NUDT4: variants seen among roughly 807,000 people sequenced by gnomAD.
The protein encoded by NUDT4 is diphosphoinositol polyphosphate phosphohydrolase 2.
In NUDT4, 5 loss-of-function variants were observed where a neutral mutation model predicts 23.1. The observed-to-expected ratio is 0.22, with a 90% CI of 0.11 to 0.46. NUDT4 has a LOEUF of 0.46. Among genes scored for constraint, NUDT4 ranks in the 20% least tolerant of loss-of-function variants. The pLI, the probability that NUDT4 is intolerant of heterozygous loss-of-function variation, is 0.99. For missense variants in NUDT4, 96 were observed against 211.6 expected (o/e 0.45, Z 3.39); for synonymous variants, 50 against 79.0 (o/e 0.63, Z 1.95).
At chr12:93,386,967 T>G (rs974686912) in intron 1 of NUDT4, among the ~76,000 whole-genome samples, 1 of 152,170 alleles carries the variant, frequency 6.6e-6, no homozygotes, top group East Asian at 1.9e-4. Context: ...ACAGTCTCAC[T>G]GTGTTGCCCA....
At chr12:93,394,152 G>A (rs896645022) in intron 1 of NUDT4, among the ~76,000 whole-genome samples, 1 of 151,808 alleles carries the variant, frequency 6.6e-6, no homozygotes, top group Non-Finnish European at 1.5e-5. Flanking sequence ...ATAGGCGCCC[G>A]CCACCATGCC....
Position 93,395,502 on chromosome 12 carries a change from G to GA in NUDT4, c.228dup (p.Leu77ThrfsTer9). The GA allele has an allele frequency of 6.2e-7, 1 of 1,608,550 alleles. No individual in the cohort carries two copies. ...TTTTTTTAATAGGCTGGAGTCAAAG[G>GA]AAAACTAGGCAGACTTCTGGGCATA... On this transcript the variant is annotated frameshift_variant, in exon 3 of 5. Transcript: ENST00000415493. LOFTEE classifies it high-confidence loss of function.
intron 1 of NUDT4, among the ~76,000 whole-genome samples, chr12:93,385,941 T>TTATATATATATATATATATA (rs371683658): frequency 2.3e-4 from 24 of 104,594 alleles, no homozygotes; most frequent in African/African-American, 8.0e-4. Context: ...GTAAATCTTT[T>TTATATATATATATATATATA]TATATATATA....
At chr12:93,378,656 C>G in intron 1 of NUDT4, 3 of 1,187,770 alleles carry the variant, frequency 2.5e-6, no homozygotes, top group Non-Finnish European at 3.1e-6. Flanking sequence ...TCTGGGCACT[C>G]GAGAAGGCGC....
rs1390637798 is a variant in NUDT4 at position 93,403,020 on chromosome 12, T to C, written c.*3641T>C. ...CACATTGGAGTATAAGAATTCTCTA[T>C]AGGACTCTTTAATTTTTTTTTTTTT... On this transcript the variant is annotated 3_prime_UTR_variant, in exon 5 of 5. Coordinates refer to ENST00000415493, the MANE Select transcript of NUDT4 (RefSeq NM_019094.6). 7.3e-6 allele frequency: 1 copy of C among 137,290 alleles called. No individual in the cohort carries two copies. Among genetic ancestry groups the C allele is most frequent in the African/African-American group, 3.0e-5 (1 of 32,806 alleles). 8.5% of individuals were successfully genotyped at this position (137,290 alleles called of 1,614,324 possible). A position where few individuals can be genotyped will look rare whatever the true frequency, so the allele number is the denominator to read the frequency against.
intron 1 of NUDT4, among the ~76,000 whole-genome samples, chr12:93,386,552 C>T (rs1277518177): frequency 6.6e-6 from 1 of 151,718 alleles, no homozygotes; most frequent in Non-Finnish European, 1.5e-5. Context: ...TGCACTCCAA[C>T]CTGGGTGACA....
chr12:93,392,253 C>A (rs118055498), intron 1 of NUDT4, among the ~76,000 whole-genome samples: 11 of 137,656 alleles, frequency 8.0e-5, no homozygotes, highest in African/African-American at 2.6e-4. Flanking sequence ...TCCCCCCCCC[C>A]CTTTTTTTTT....
At chr12:93,385,692 T>A (rs961492165) in intron 1 of NUDT4, among the ~76,000 whole-genome samples, 2 of 152,106 alleles carry the variant, frequency 1.3e-5, no homozygotes, top group Middle Eastern at 6.8e-3. Flanking sequence ...TGTTGAAGAA[T>A]AATGCATTGT....
At chr12:93,395,436 A>G in intron 2 of NUDT4, 53 bp from the exon 3 acceptor site, 2 of 1,264,644 alleles carry the variant, frequency 1.6e-6, no homozygotes, top group Non-Finnish European at 2.3e-6. Context: ...TTGTATTTAT[A>G]TACATTTTGT....
intron 1 of NUDT4, among the ~76,000 whole-genome samples, chr12:93,383,449 G>A (rs1165433682): frequency 6.8e-6 from 1 of 146,176 alleles, no homozygotes; most frequent in Non-Finnish European, 1.5e-5. Context: ...TTTTGGTTAA[G>A]TGTAGTAGAA....
In NUDT4 at chr12:93,378,489, G is replaced by T. The variant is rs933402333; in HGVS notation, c.99+68G>T. The T allele has an allele frequency of 3.8e-5, 53 of 1,408,194 alleles. 1 individual carries two copies. In the Admixed American group the frequency reaches 1.4e-3, roughly 38 times the overall value. The allele number at this position is 1,408,194 out of a possible 1,614,324, so 87.2% of individuals were successfully genotyped here. A position where few individuals can be genotyped will look rare whatever the true frequency, so the allele number is the denominator to read the frequency against. The stretch of plus-strand genomic sequence containing the variant: ...GTCTAGGGCCCGGGTGCTTCCCCTC[G>T]CTCCCCGCCCCTGCGCAGGCTGCGG... On this transcript the variant is annotated intron_variant, in intron 1 of 4. Coordinates refer to ENST00000415493, the MANE Select transcript of NUDT4 (RefSeq NM_019094.6).
intron 1 of NUDT4, among the ~76,000 whole-genome samples, chr12:93,382,875 A>G (rs576978433): frequency 6.6e-6 from 1 of 152,038 alleles, no homozygotes; most frequent in Admixed American, 6.6e-5. Context: ...GTTAGCCAGG[A>G]TGGTCTTGAT....
At chr12:93,395,188 G>A (rs148038742) in intron 2 of NUDT4, among the ~76,000 whole-genome samples, 14,426 of 152,186 alleles carry the variant, frequency 0.095, 950 homozygotes, top group East Asian at 0.17. Context: ...GTTTCACCAT[G>A]TTGGCCAGGC....
rs1877644871 is a variant in NUDT4 at position 93,403,903 on chromosome 12, T to TA, written c.*4527dup. 6.6e-6 allele frequency: 1 copy of TA among 152,234 alleles called. No homozygotes were observed. The highest frequency in any genetic ancestry group is 2.1e-4 in the South Asian group (1 of 4,830). The allele number at this position is 152,234 out of a possible 1,614,324, so 9.4% of individuals were successfully genotyped here. A position where few individuals can be genotyped will look rare whatever the true frequency, so the allele number is the denominator to read the frequency against. ...CAAGCAAGACATTATAGCAAAGACCTAAACACTCAAAGGTTCAACGTCTTC... is the reference window on the plus strand; with the variant it reads ...CAAGCAAGACATTATAGCAAAGACCTAAAACACTCAAAGGTTCAACGTCTTC... On this transcript the variant is annotated 3_prime_UTR_variant, in exon 5 of 5. Transcript: ENST00000415493.
rs775650366 is a variant in NUDT4 at position 93,403,848 on chromosome 12, C to G, written c.*4469C>G. The stretch of plus-strand genomic sequence containing the variant: ...TGCCACTGGCTAAATTCTAGCAGTA[C>G]GATGAGAGGGCCATTAAGGCCTATC... On this transcript the variant is annotated 3_prime_UTR_variant, in exon 5 of 5. Transcript: ENST00000415493. 4.6e-5 allele frequency: 7 copies of G among 152,154 alleles called. No individual in the cohort carries two copies. Among genetic ancestry groups the G allele is most frequent in the African/African-American group, 1.7e-4 (7 of 41,418 alleles). 9.4% of individuals were successfully genotyped at this position (152,154 alleles called of 1,614,324 possible).
At chr12:93,391,934 A>G (rs1221878962) in intron 1 of NUDT4, among the ~76,000 whole-genome samples, 2 of 152,066 alleles carry the variant, frequency 1.3e-5, no homozygotes, top group African/African-American at 2.4e-5. Flanking sequence ...CCCAGGCTGA[A>G]GTGCAGTGGT....
intron 2 of NUDT4, among the ~76,000 whole-genome samples, 163 bp from the exon 3 acceptor site, chr12:93,395,326 T>C (rs1428438072): frequency 6.6e-6 from 1 of 152,180 alleles, no homozygotes; most frequent in Non-Finnish European, 1.5e-5. Flanking sequence ...GCTGATGAAG[T>C]AAATGACAAT....
chr12:93,389,166 G>A (rs1213072186), intron 1 of NUDT4, among the ~76,000 whole-genome samples: 2 of 151,976 alleles, frequency 1.3e-5, no homozygotes, highest in African/African-American at 2.4e-5. Flanking sequence ...TAAATTTATC[G>A]GCCTTTTTTT....
chr12:93,392,412 C>A lies in NUDT4; in HGVS notation c.100-2197C>A, dbSNP rs558363498. On this transcript the variant is annotated intron_variant, in intron 1 of 4. Transcript: ENST00000415493. The stretch of plus-strand genomic sequence containing the variant: ...CTGGGATTACAGGTGCCTTCCACCA[C>A]GCCCGGCTAATTTTTTGTATTTTTA... Among the ~76,000 whole-genome samples the A allele has an allele frequency of 8.6e-5, 13 of 150,520 alleles. No homozygotes were observed. The South Asian group carries it at 2.7e-3, about 32-fold the overall frequency.
Sources: gnomAD v4.1 joint callset for allele counts (sites outside exome capture counted in the v4.1 genomes callset) on GRCh38, gnomAD v4.1.1 for gene constraint, MANE v1.5 for transcripts, NCBI Gene and HGNC (gene_info 2026-07-23, HGNC 2026-07-21) for gene names.